The following OTOGL variants were observed in gnomAD, a reference collection of about 807,000 sequenced individuals.
The protein encoded by OTOGL is otogelin like.
A neutral mutation model predicts 318.5 loss-of-function variants in OTOGL; 285 were observed. The ratio of observed to expected loss-of-function variants is 0.89; its 90% CI spans 0.81 to 0.99. The LOEUF is 0.99. OTOGL is among the 50% of genes least tolerant of loss of function. The pLI is 0.00. For synonymous variants in OTOGL, 987 were observed against 936.5 expected, an observed-to-expected ratio of 1.05 and a Z score of -0.99; for missense variants, 2,899 against 2,845.6, an observed-to-expected ratio of 1.02 and a Z score of -0.43.
intron 42 of OTOGL, among the ~76,000 whole-genome samples, chr12:80,337,948 A>G (rs886753773): frequency 2.6e-5 from 4 of 152,096 alleles, no homozygotes; most frequent in Non-Finnish European, 5.9e-5. Flanking sequence ...AAGTAAACAC[A>G]AAGCTGGTCA....
At chr12:80,343,441 A>G (rs1888912615) in intron 44 of OTOGL, 1 of 147,822 alleles carries the variant, frequency 6.8e-6, no homozygotes, top group African/African-American at 2.5e-5. Flanking sequence ...TGCTATATGA[A>G]TAGTTTTTAC....
intron 3 of OTOGL, 51 bp from the exon 4 acceptor site, chr12:80,211,898 C>T: frequency 7.0e-7 from 1 of 1,422,556 alleles, no homozygotes; most frequent in South Asian, 1.2e-5. Flanking sequence ...AAGGCTTGTT[C>T]AGGTTGCCTA....
In OTOGL at chr12:80,217,643, T is replaced by A; in HGVS notation, c.214T>A (p.Trp72Arg). ...PRYFFHDAIN[W>R]GESKIKGSCP... ...ATACTTTTTCCATGATGCTATTAAT[T>A]GGGGTGAGAGCAAAATAAAAGGTCA... Residue 72 changes from tryptophan (W) to arginine (R), a missense_variant, in exon 5 of 59, where the codon TGG (tryptophan) becomes AGG (arginine). This residue lies in a region of OTOGL where 2,607 missense variants were observed against 2,524.9 expected (regional missense o/e 1.03). Transcript: ENST00000547103. The A allele has an allele frequency of 6.4e-7, 1 of 1,553,052 alleles. No homozygotes were observed. Among genetic ancestry groups the A allele is most frequent in the Non-Finnish European group, 8.7e-7 (1 of 1,147,466 alleles).
At chr12:80,190,147 G>C (rs1875569386) in intron 1 of OTOGL, among the ~76,000 whole-genome samples, 1 of 152,136 alleles carries the variant, frequency 6.6e-6, no homozygotes, top group South Asian at 2.1e-4. Flanking sequence ...AATTGTATTT[G>C]GATGTGACTT....
At chr12:80,183,932 G>A (rs1333047686) in intron 1 of OTOGL, among the ~76,000 whole-genome samples, 1 of 152,148 alleles carries the variant, frequency 6.6e-6, no homozygotes, top group Non-Finnish European at 1.5e-5. Flanking sequence ...TACTAGTGCT[G>A]TTGAATTATA....
chr12:80,237,275 C>T (rs1249280139), intron 9 of OTOGL, among the ~76,000 whole-genome samples: 2 of 152,088 alleles, frequency 1.3e-5, no homozygotes, highest in African/African-American at 4.8e-5. Context: ...TCTCTGCCTT[C>T]ATATAGTATG....
chr12:80,105,329 TA>T (rs1326150510), intron 1 of OTOGL, among the ~76,000 whole-genome samples: 1 of 152,210 alleles, frequency 6.6e-6, no homozygotes, highest in East Asian at 1.9e-4. Flanking sequence ...GAAGGGAACC[TA>T]TGGTTCATTC....
chr12:80,352,185 A>G (rs1193435622), intron 44 of OTOGL, 110 bp from the exon 45 acceptor site: 1 of 969,812 alleles, frequency 1.0e-6, no homozygotes, highest in African/African-American at 1.6e-5. Context: ...GATGAAGTAT[A>G]ATGAATATTA....
chr12:80,170,229 G>GTGTA (rs1555273198), intron 1 of OTOGL, among the ~76,000 whole-genome samples: 1 of 149,952 alleles, frequency 6.7e-6, no homozygotes, highest in Non-Finnish European at 1.5e-5. Flanking sequence ...ATGTGTGTGT[G>GTGTA]TGTATGTATG....
chr12:80,257,388 G>A (rs914375299), intron 17 of OTOGL, among the ~76,000 whole-genome samples: 2 of 151,570 alleles, frequency 1.3e-5, no homozygotes, highest in African/African-American at 4.8e-5. Context: ...ATGGACAAGA[G>A]TTAGGATGTT....
chr12:80,249,901 A>G (rs1029467492), intron 11 of OTOGL, among the ~76,000 whole-genome samples: 6 of 151,966 alleles, frequency 3.9e-5, no homozygotes, highest in African/African-American at 2.4e-5. Context: ...GAAATGCGCA[A>G]TATTCGGGTG....
At chr12:80,368,671 G>A (rs1890700709) in intron 55 of OTOGL, among the ~76,000 whole-genome samples, 1 of 152,024 alleles carries the variant, frequency 6.6e-6, no homozygotes, top group African/African-American at 2.4e-5. Context: ...TCTTGAATTT[G>A]AATATTTACA....
intron 27 of OTOGL, among the ~76,000 whole-genome samples, chr12:80,299,624 A>C (rs1885628751): frequency 6.6e-6 from 1 of 151,166 alleles, no homozygotes; most frequent in Non-Finnish European, 1.5e-5. Context: ...AAAAAAAAAA[A>C]CCACCTCTGT....
intron 1 of OTOGL, among the ~76,000 whole-genome samples, chr12:80,140,826 AAGAG>A (rs1416271537): frequency 2.0e-4 from 31 of 152,188 alleles, no homozygotes. Flanking sequence ...ATTTCTGACT[AAGAG>A]AGAAGAACTG....
At chr12:80,111,227 C>A (rs1429382509) in intron 1 of OTOGL, among the ~76,000 whole-genome samples, 4 of 152,028 alleles carry the variant, frequency 2.6e-5, no homozygotes. Flanking sequence ...ATGATAGTTT[C>A]TTTTGCAGAA....
chr12:80,324,831 G>A (rs1887574739), intron 35 of OTOGL, among the ~76,000 whole-genome samples: 1 of 152,162 alleles, frequency 6.6e-6, no homozygotes, highest in Non-Finnish European at 1.5e-5. Flanking sequence ...AGCCAAATTG[G>A]TCAAATAGCA....
At chr12:80,303,391 A>T (rs1885902419) in intron 28 of OTOGL, among the ~76,000 whole-genome samples, 1 of 152,112 alleles carries the variant, frequency 6.6e-6, no homozygotes, top group Non-Finnish European at 1.5e-5. Context: ...TCCTGACCTC[A>T]TGATCCACCC....
intron 1 of OTOGL, among the ~76,000 whole-genome samples, chr12:80,207,312 C>T (rs1027992868): frequency 1.3e-5 from 2 of 152,136 alleles, no homozygotes; most frequent in African/African-American, 4.8e-5. Context: ...AGTGATTCTC[C>T]TGCCTCAGCC....
intron 1 of OTOGL, among the ~76,000 whole-genome samples, chr12:80,162,270 C>A (rs1044554331): frequency 1.3e-5 from 2 of 152,138 alleles, no homozygotes; most frequent in Non-Finnish European, 2.9e-5. Context: ...CAAGTACCAT[C>A]GAAATTGCAG....
Sources: gnomAD v4.1 joint callset for allele counts (sites outside exome capture counted in the v4.1 genomes callset) on GRCh38, gnomAD v4.1.1 for gene constraint, gnomAD v4.1.1 regional missense constraint, MANE v1.5 for transcripts, NCBI Gene and HGNC (gene_info 2026-07-23, HGNC 2026-07-21) for gene names.